Variants in USP47 observed in about 807,000 individuals in gnomAD.
USP47 encodes the protein ubiquitin specific peptidase 47, also known as ubiquitin carboxyl-terminal hydrolase 47.
USP47 carries 35 observed loss-of-function variants against 165.1 expected under a neutral mutation model. That is an observed-to-expected ratio of 0.21 (90% confidence interval 0.16 to 0.28). The LOEUF is 0.28. Among genes scored for constraint, USP47 ranks in the 10% least tolerant of loss-of-function variants. The probability of loss-of-function intolerance (pLI) is 1.00; values close to 1 mark genes in which losing one functional copy is unlikely to be tolerated. For missense variants in USP47, 1,277 were observed against 1,607.4 expected (o/e 0.79, Z 3.52); for synonymous variants, 531 against 544.5 (o/e 0.98, Z 0.35).
rs1419492525 is a variant in USP47, at chr11:11,959,565, G to A, written c.*3390G>A. ...TGATTGTAGTTCCCATGGGGAAGAG[G>A]GAGGCTGTGATCATTTGGTTAGATA... On this transcript the variant is annotated 3_prime_UTR_variant, in exon 28 of 28. Coordinates refer to ENST00000527733, the MANE Select transcript of USP47 (RefSeq NM_001282659.2). Among the ~76,000 whole-genome samples the A allele has an allele frequency of 6.6e-6, 1 of 152,132 alleles. No individual in the cohort carries two copies. Among genetic ancestry groups the A allele is most frequent in the African/African-American group, 2.4e-5 (1 of 41,428 alleles).
At chr11:11,888,807 A>T (rs1851331901) in intron 3 of USP47, among the ~76,000 whole-genome samples, 1 of 152,212 alleles carries the variant, frequency 6.6e-6, no homozygotes, top group South Asian at 2.1e-4. Flanking sequence ...TCCTTAATAA[A>T]ATACTGGCAA....
chr11:11,950,441 A>G lies in USP47; in HGVS notation c.3542A>G (p.Asn1181Ser). 2 of 1,606,546 alleles carry G rather than the reference A, an allele frequency of 1.2e-6. No individual in the cohort carries two copies. Among genetic ancestry groups the G allele is most frequent in the Middle Eastern group, 1.7e-4 (1 of 6,020 alleles). The change falls in exon 24 of 28, where the codon AAT (asparagine) becomes AGT (serine). Residue 1181 changes from asparagine to serine, a missense_variant. Physicochemically the swap from Asn to Ser is conservative, Grantham distance 46 (BLOSUM62 1). Coordinates refer to ENST00000527733, the MANE Select transcript of USP47 (RefSeq NM_001282659.2). ...LDYHIYEEDI[N>S]ISSNWEVFLE... ...TATCATATTTATGAAGAAGATATTA[A>G]TATTTCCAGCAACTGGGAGGTTTTC...
chr11:11,874,806 A>G (rs4332522), intron 1 of USP47, among the ~76,000 whole-genome samples: 119,278 of 152,168 alleles, frequency 0.78, 47,476 homozygotes, highest in African/African-American at 0.93. Flanking sequence ...TGATCCACTC[A>G]CCTTGGCCTC....
At chr11:11,847,268 A>G (rs1848478827) in intron 1 of USP47, among the ~76,000 whole-genome samples, 1 of 150,494 alleles carries the variant, frequency 6.6e-6, no homozygotes, top group Admixed American at 6.6e-5. Flanking sequence ...TTTTGGGGGT[A>G]TTTACATAGT....
At position 11,938,340 on chromosome 11, in the gene USP47, A is replaced by T. The variant is rs1434027419; in HGVS notation, c.2161A>T (p.Thr721Ser). Residue 721 changes from threonine (T) to serine (S), a missense_variant, in exon 18 of 28, where the codon ACA becomes TCA. Thr to Ser is a moderately conservative substitution (Grantham distance 58, BLOSUM62 1). Coordinates refer to ENST00000527733, the MANE Select transcript of USP47 (RefSeq NM_001282659.2). ...PITVRAYLNQTVTEFKQLISK... is the reference protein window; with the variant it reads ...PITVRAYLNQSVTEFKQLISK... ...AACTGTTCGTGCTTACTTAAATCAG[A>T]CAGTTACAGAATTCAAACAACTGAT... The T allele has an allele frequency of 1.9e-6, 3 of 1,611,998 alleles. No homozygotes were observed. Among genetic ancestry groups the T allele is most frequent in the African/African-American group, 1.3e-5 (1 of 74,916 alleles).
chr11:11,953,364 A>G (rs1856346374), intron 25 of USP47, among the ~76,000 whole-genome samples: 1 of 152,190 alleles, frequency 6.6e-6, no homozygotes, highest in Non-Finnish European at 1.5e-5. Context: ...CATACTTCAT[A>G]CTAAACACAA....
intron 1 of USP47, among the ~76,000 whole-genome samples, chr11:11,857,256 A>G (rs1338490582): frequency 6.6e-6 from 1 of 152,020 alleles, no homozygotes; most frequent in Non-Finnish European, 1.5e-5. Flanking sequence ...CTGTCCTTTT[A>G]TGTGTTTAGG....
chr11:11,865,383 A>G (rs1407111767), intron 1 of USP47, among the ~76,000 whole-genome samples: 1 of 151,404 alleles, frequency 6.6e-6, no homozygotes, highest in Non-Finnish European at 1.5e-5. Flanking sequence ...GGTAATTTCC[A>G]TTGTTTTTAT....
chr11:11,891,079 C>G (rs935151809), intron 3 of USP47, among the ~76,000 whole-genome samples: 3 of 152,126 alleles, frequency 2.0e-5, no homozygotes, highest in Admixed American at 2.0e-4. Context: ...ATGATCTGTG[C>G]AGCAAACAAC....
chr11:11,937,810 A>G (rs1855184339), intron 17 of USP47, among the ~76,000 whole-genome samples: 1 of 151,996 alleles, frequency 6.6e-6, no homozygotes, highest in Non-Finnish European at 1.5e-5. Flanking sequence ...CAGATACAGA[A>G]TAACTGTGTA....
chr11:11,909,864 C>T (rs1246568995), intron 8 of USP47, among the ~76,000 whole-genome samples: 2 of 152,040 alleles, frequency 1.3e-5, no homozygotes, highest in Admixed American at 6.5e-5. Flanking sequence ...AGTGTGAAAT[C>T]AAAAGCATTT....
intron 1 of USP47, among the ~76,000 whole-genome samples, chr11:11,875,674 G>C (rs979063764): frequency 1.3e-5 from 2 of 152,140 alleles, no homozygotes; most frequent in Admixed American, 6.5e-5. Flanking sequence ...CACGATCTCA[G>C]CTCACTGCAA....
At chr11:11,902,576 A>T in intron 5 of USP47, 139 bp from the exon 6 acceptor site, 1 of 543,736 alleles carries the variant, frequency 1.8e-6, no homozygotes, top group Non-Finnish European at 2.9e-6. Context: ...TTCATTAGAT[A>T]TTATTAGTTT....
chr11:11,956,732 T>C lies in USP47; in HGVS notation c.*557T>C, dbSNP rs1167261540. On this transcript the variant is annotated 3_prime_UTR_variant, in exon 28 of 28. Transcript: ENST00000527733. ...CGTAACCCAGTAAGGAATTGTGAAG[T>C]TGTGTTTTTATTTTGTTTCATTTTT... 1.3e-5 allele frequency: 2 copies of C among 152,662 alleles called. No individual in the cohort carries two copies. The highest frequency in any genetic ancestry group is 2.9e-5 in the Non-Finnish European group (2 of 68,106). The allele number at this position is 152,662 out of a possible 1,614,324, so 9.5% of individuals were successfully genotyped here.
chr11:11,879,207 G>A (rs1007679534), intron 1 of USP47, among the ~76,000 whole-genome samples: 5 of 152,090 alleles, frequency 3.3e-5, no homozygotes, highest in Non-Finnish European at 7.4e-5. Context: ...ATTGCTGCAG[G>A]CAAGAATAAA....
At chr11:11,881,219 G>C (rs971554171) in intron 2 of USP47, among the ~76,000 whole-genome samples, 1 of 152,062 alleles carries the variant, frequency 6.6e-6, no homozygotes, top group African/African-American at 2.4e-5. Flanking sequence ...GTGCTGCTAG[G>C]TGTGATGTGT....
At chr11:11,926,223 T>G (rs1417917493) in intron 11 of USP47, among the ~76,000 whole-genome samples, 1 of 152,162 alleles carries the variant, frequency 6.6e-6, no homozygotes, top group Non-Finnish European at 1.5e-5. Flanking sequence ...GTTTTTCTCC[T>G]TTTTACTTTT....
chr11:11,947,036 G>T (rs1285361441), intron 20 of USP47, among the ~76,000 whole-genome samples: 1 of 152,154 alleles, frequency 6.6e-6, no homozygotes, highest in African/African-American at 2.4e-5. Context: ...GACCTAACAT[G>T]GAGGGAGCCT....
At chr11:11,943,322 G>A (rs750983050) in intron 20 of USP47, 15 of 388,782 alleles carry the variant, frequency 3.9e-5, no homozygotes, top group Non-Finnish European at 6.7e-5. Context: ...GAGATAAGAA[G>A]TAAAAAAAAA....
Sources: gnomAD v4.1 joint callset for allele counts (sites outside exome capture counted in the v4.1 genomes callset) on GRCh38, gnomAD v4.1.1 for gene constraint, MANE v1.5 for transcripts, NCBI Gene and HGNC (gene_info 2026-07-23, HGNC 2026-07-21) for gene names.